IGF1R: variants seen among roughly 807,000 people sequenced by gnomAD.
IGF1R encodes the protein insulin like growth factor 1 receptor.
Under a neutral mutation model 144.6 loss-of-function variants are expected in IGF1R, and 44 were observed. The ratio of observed to expected loss-of-function variants is 0.30; its 90% confidence interval spans 0.24 to 0.39. The LOEUF is 0.39. Among genes scored for constraint, IGF1R ranks in the 10% least tolerant of loss-of-function variants. The pLI is 1.00. For missense variants in IGF1R, 1,355 were observed against 1,833.7 expected, an observed-to-expected ratio of 0.74 and a Z score of 4.77; for synonymous variants, 795 against 722.8, an observed-to-expected ratio of 1.10 and a Z score of -1.60.
chr15:98,705,144 G>A (rs1318930551), intron 1 of IGF1R, among the ~76,000 whole-genome samples: 1 of 152,178 alleles, frequency 6.6e-6, no homozygotes, highest in Non-Finnish European at 1.5e-5. Flanking sequence ...TCTGGATGAG[G>A]TGACAGAGGA....
At chr15:98,741,037 T>A (rs1331216058) in intron 2 of IGF1R, among the ~76,000 whole-genome samples, 2 of 113,128 alleles carry the variant, frequency 1.8e-5, no homozygotes, top group Non-Finnish European at 4.0e-5. Context: ...AGTGATAATG[T>A]TTAACATTTT....
chr15:98,845,426 TCCTCCCCTC>T (rs2011277049), intron 2 of IGF1R, among the ~76,000 whole-genome samples: 2 of 76,600 alleles, frequency 2.6e-5, no homozygotes, highest in Non-Finnish European at 5.0e-5. Context: ...CCCTCCCTCT[TCCTCCCCTC>T]CCTCCTCCTC....
chr15:98,889,235 A>T (rs551657780), intron 2 of IGF1R, among the ~76,000 whole-genome samples: 6 of 152,348 alleles, frequency 3.9e-5, no homozygotes, highest in African/African-American at 7.2e-5. Flanking sequence ...AAGTTGCAAA[A>T]GTATTTCAAG....
At chr15:98,842,735 A>G (rs1419335129) in intron 2 of IGF1R, among the ~76,000 whole-genome samples, 1 of 152,176 alleles carries the variant, frequency 6.6e-6, no homozygotes, top group Non-Finnish European at 1.5e-5. Flanking sequence ...TTTAAAGAAC[A>G]ATTTTGACAA....
Position 98,707,286 on chromosome 15 carries a change from C to T in IGF1R, c.95-276C>T, listed in dbSNP as rs933039984. 6.6e-6 allele frequency among the ~76,000 whole-genome samples: 1 copy of T among 152,168 alleles called. No homozygotes were observed. Among genetic ancestry groups the T allele is most frequent in the African/African-American group, 2.4e-5 (1 of 41,426 alleles). On this transcript the variant is annotated intron_variant, in intron 1 of 20. Transcript: ENST00000650285. The surrounding 1 kb of genome is among the most constrained non-coding windows in gnomAD (Gnocchi z 6.7). ...CCTCTGTGTGCCTCTGGGCTGTAAG[C>T]TTTAGTTTGCACGGTTAACGGGGAT...
chr15:98,869,679 C>T (rs548892323), intron 2 of IGF1R, among the ~76,000 whole-genome samples: 16 of 152,284 alleles, frequency 1.1e-4, no homozygotes, highest in African/African-American at 3.1e-4. Flanking sequence ...AGGTGATCCA[C>T]GCGCCTCACC....
At chr15:98,706,744 C>A (rs2053872378) in intron 1 of IGF1R, among the ~76,000 whole-genome samples, 1 of 151,698 alleles carries the variant, frequency 6.6e-6, no homozygotes, top group East Asian at 1.9e-4. Context: ...CACTTACCTT[C>A]ATTTATAGAG....
chr15:98,888,162 C>G (rs1051662753), intron 2 of IGF1R, among the ~76,000 whole-genome samples: 1 of 152,230 alleles, frequency 6.6e-6, no homozygotes. Flanking sequence ...CACTCACTCC[C>G]GTACTTGCTG....
In IGF1R at chr15:98,670,079, T is replaced by A. The variant is rs117694495; in HGVS notation, c.94+20404T>A. 1.2e-3 allele frequency among the ~76,000 whole-genome samples: 179 copies of A among 152,248 alleles called. 4 individuals carry two copies. The East Asian group carries it at 0.03, about 25-fold the overall frequency. ...CAGAGACAAATTTGGAGTGTTTGGA[T>A]GTTCGGGGACCTGCAGGAGGTATGT... On this transcript the variant is annotated intron_variant, in intron 1 of 20. Transcript: ENST00000650285.
intron 2 of IGF1R, among the ~76,000 whole-genome samples, chr15:98,880,355 G>A (rs1288006008): frequency 6.6e-6 from 1 of 152,056 alleles, no homozygotes; most frequent in Non-Finnish European, 1.5e-5. Context: ...CTGGTTTCTT[G>A]CTTGCCCTTT....
intron 2 of IGF1R, among the ~76,000 whole-genome samples, chr15:98,800,232 G>A (rs937468106): frequency 6.4e-5 from 8 of 125,442 alleles, no homozygotes; most frequent in East Asian, 5.1e-4. Flanking sequence ...GGGTGTGGGC[G>A]AGGGAGACAG....
chr15:98,947,439 C>T (rs999826170), intron 19 of IGF1R, among the ~76,000 whole-genome samples: 2 of 152,206 alleles, frequency 1.3e-5, no homozygotes, highest in African/African-American at 4.8e-5. Flanking sequence ...GCACCTGCAG[C>T]CCAGGACAGG....
chr15:98,942,043 A>G (rs2016383875), intron 18 of IGF1R, among the ~76,000 whole-genome samples: 1 of 152,226 alleles, frequency 6.6e-6, no homozygotes, highest in Non-Finnish European at 1.5e-5. Flanking sequence ...GATTATGTTG[A>G]AAAACAGTAT....
At chr15:98,861,638 C>T (rs990245203) in intron 2 of IGF1R, among the ~76,000 whole-genome samples, 8 of 152,176 alleles carry the variant, frequency 5.3e-5, no homozygotes, top group African/African-American at 1.7e-4. Flanking sequence ...GTTTGTATCC[C>T]GTCTTTACCA....
intron 1 of IGF1R, among the ~76,000 whole-genome samples, chr15:98,687,363 G>T (rs2053355251): frequency 6.6e-6 from 1 of 152,212 alleles, no homozygotes; most frequent in Non-Finnish European, 1.5e-5. Context: ...TTGATGGAAG[G>T]AGCTGCTGGG....
At chr15:98,703,502 G>A (rs908271706) in intron 1 of IGF1R, among the ~76,000 whole-genome samples, 3 of 152,218 alleles carry the variant, frequency 2.0e-5, no homozygotes, top group Non-Finnish European at 4.4e-5. Context: ...GTCAGTCATA[G>A]GCTCCAAAAC....
chr15:98,816,479 C>G (rs908181694), intron 2 of IGF1R, among the ~76,000 whole-genome samples: 4 of 152,220 alleles, frequency 2.6e-5, no homozygotes, highest in Non-Finnish European at 5.9e-5. Context: ...CACTCCCCAT[C>G]GGCCCACCCC....
chr15:98,690,311 C>T (rs990565321), intron 1 of IGF1R, among the ~76,000 whole-genome samples: 1 of 150,818 alleles, frequency 6.6e-6, no homozygotes, highest in South Asian at 2.1e-4. Context: ...CCACTGTACT[C>T]CAACTTGGGT....
Position 98,922,189 on chromosome 15 carries a change from C to A in IGF1R, c.2243C>A (p.Thr748Asn), listed in dbSNP as rs762821234. The A allele has an allele frequency of 3.7e-6, 6 of 1,614,112 alleles. No homozygotes were observed. The African/African-American group carries it at 6.7e-5, about 18-fold the overall frequency. Residue 748 changes from threonine (T) to asparagine (N), a missense_variant, in exon 11 of 21, where the codon ACC (threonine) becomes AAC (asparagine). Thr to Asn is a moderately conservative substitution (Grantham distance 65, BLOSUM62 0). Around this residue, in one of 7 missense-constraint regions of IGF1R, gnomAD observed 880 missense variants for 1,202.7 expected, o/e 0.73. Transcript: ENST00000650285. ...AGAGATGTCATGCAAGTGGCCAACA[C>A]CACCATGTCCAGCCGAAGCAGGAAC... ...KRRDVMQVANTTMSSRSRNTT... is the reference protein window; with the variant it reads ...KRRDVMQVANNTMSSRSRNTT...
Sources: gnomAD v4.1 joint callset for allele counts (sites outside exome capture counted in the v4.1 genomes callset) on GRCh38, gnomAD v4.1.1 for gene constraint, gnomAD v4.1.1 regional missense constraint, Gnocchi (gnomAD v3.1) non-coding constraint, MANE v1.5 for transcripts, NCBI Gene and HGNC (gene_info 2026-07-23, HGNC 2026-07-21) for gene names.